Variants in DPP10 observed in about 807,000 individuals in gnomAD.
The protein encoded by DPP10 is dipeptidyl peptidase like 10.
Under a neutral mutation model 120.9 loss-of-function variants are expected in DPP10, and 33 were observed. The ratio of observed to expected loss-of-function variants is 0.27; its 90% CI spans 0.21 to 0.37. The LOEUF is 0.37. Ranked by LOEUF, DPP10 falls within the 10% of genes least tolerant of loss-of-function variation. The probability of loss-of-function intolerance (pLI) is 1.00; values close to 1 mark genes in which losing one functional copy is unlikely to be tolerated. For missense variants in DPP10, 816 were observed against 942.8 expected (o/e 0.87, Z 1.76); for synonymous variants, 337 against 326.1 (o/e 1.03, Z -0.36).
At chr2:115,533,846 C>A (rs548464712) in intron 5 of DPP10, among the ~76,000 whole-genome samples, 1 of 152,124 alleles carries the variant, frequency 6.6e-6, no homozygotes, top group East Asian at 1.9e-4. Context: ...TGCTGCTGAA[C>A]TGCCTTCCTA....
chr2:114,937,508 G>C (rs1696572344), intron 1 of DPP10, among the ~76,000 whole-genome samples: 1 of 152,166 alleles, frequency 6.6e-6, no homozygotes, highest in Non-Finnish European at 1.5e-5. Context: ...CCTCTGGAAG[G>C]CTGCACAGAT....
At chr2:114,633,352 A>T (rs1240383967) in intron 1 of DPP10, among the ~76,000 whole-genome samples, 1 of 145,570 alleles carries the variant, frequency 6.9e-6, no homozygotes, top group Non-Finnish European at 1.5e-5. Context: ...CCCAGATTCA[A>T]GTGATTCTCC....
chr2:115,832,564 C>T (rs957959271), intron 21 of DPP10, among the ~76,000 whole-genome samples: 1 of 152,000 alleles, frequency 6.6e-6, no homozygotes, highest in Non-Finnish European at 1.5e-5. Flanking sequence ...ATTTGTGGTT[C>T]AATTTTAAAT....
chr2:114,946,859 T>C (rs1697382310), intron 1 of DPP10, among the ~76,000 whole-genome samples: 1 of 152,144 alleles, frequency 6.6e-6, no homozygotes, highest in Non-Finnish European at 1.5e-5. Flanking sequence ...TTATATAGAA[T>C]TGGCATTATT....
chr2:115,640,114 C>T (rs1323333498), intron 5 of DPP10, among the ~76,000 whole-genome samples: 1 of 152,008 alleles, frequency 6.6e-6, no homozygotes, highest in African/African-American at 2.4e-5. Flanking sequence ...GAGTAAAAGG[C>T]TTCAGGCTTG....
chr2:115,751,625 T>G (rs1471719480), intron 10 of DPP10, among the ~76,000 whole-genome samples: 1 of 152,130 alleles, frequency 6.6e-6, no homozygotes, highest in African/African-American at 2.4e-5. Flanking sequence ...GGCTAACAGG[T>G]TTTCTAGAGG....
chr2:114,880,899 A>G (rs1203433170), intron 1 of DPP10, among the ~76,000 whole-genome samples: 1 of 152,160 alleles, frequency 6.6e-6, no homozygotes, highest in African/African-American at 2.4e-5. Context: ...GAAAATCAGA[A>G]ACTGGTGTCT....
chr2:115,825,153 A>G (rs1688182629), intron 21 of DPP10, among the ~76,000 whole-genome samples: 1 of 152,208 alleles, frequency 6.6e-6, no homozygotes, highest in Non-Finnish European at 1.5e-5. Flanking sequence ...CATTTTCTGC[A>G]ATATAGTTTA....
In DPP10 at chr2:115,672,678, T is replaced by TCC. The variant is rs1559010401; in HGVS notation, c.442-17009_442-17008insCC. On this transcript the variant is annotated intron_variant, in intron 5 of 25. Transcript: ENST00000410059. ...TTTCTTTCTTTCTTTCTCTCTTTCT[T>TCC]TCTCTTTCTTTCTTTCTTTCTTTCT... Among the ~76,000 whole-genome samples the TCC allele has an allele frequency of 9.7e-4, 14 of 14,486 alleles. No homozygotes were observed. In the East Asian group the frequency reaches 0.031, roughly 32 times the overall value. The allele number at this position is 14,486 out of a possible 152,430, so 9.5% of individuals were successfully genotyped here.
At chr2:114,807,892 G>A (rs1292217201) in intron 1 of DPP10, among the ~76,000 whole-genome samples, 1 of 152,200 alleles carries the variant, frequency 6.6e-6, no homozygotes, top group African/African-American at 2.4e-5. Flanking sequence ...ATTACCTGGA[G>A]TCTTCCTCAT....
intron 19 of DPP10, among the ~76,000 whole-genome samples, chr2:115,803,814 A>G (rs529123533): frequency 0.017 from 2,607 of 151,986 alleles, 76 homozygotes; most frequent in African/African-American, 0.058. Flanking sequence ...TTAGTCTGAC[A>G]GGCTTCCCTT....
In DPP10 at chr2:115,773,908, A is replaced by C. The variant is rs555020638; in HGVS notation, c.1222-3300A>C. 3.9e-4 allele frequency among the ~76,000 whole-genome samples: 60 copies of C among 152,172 alleles called. 1 individual carries two copies. The South Asian group carries it at 0.01, about 26-fold the overall frequency. ...GATTATTAGAAAGTAAATCTTTGCT[A>C]TTATATGCAAAATGAGGGTTCAACT... On this transcript the variant is annotated intron_variant, in intron 13 of 25. Coordinates refer to ENST00000410059, the MANE Select transcript of DPP10 (RefSeq NM_020868.6).
chr2:115,172,080 C>A (rs2053390365), intron 1 of DPP10, among the ~76,000 whole-genome samples: 1 of 152,158 alleles, frequency 6.6e-6, no homozygotes, highest in Admixed American at 6.5e-5. Flanking sequence ...AATTGCAACT[C>A]CCAGCAATGT....
intron 3 of DPP10, among the ~76,000 whole-genome samples, chr2:115,353,368 A>G (rs149663968): frequency 6.6e-6 from 1 of 152,260 alleles, no homozygotes; most frequent in East Asian, 1.9e-4. Flanking sequence ...GTATAAAAGT[A>G]ATGGAAAATA....
chr2:114,939,079 A>G lies in DPP10; in HGVS notation c.61-370160A>G, dbSNP rs78035895. Among the ~76,000 whole-genome samples, 616 of 152,264 alleles carry G rather than the reference A, an allele frequency of 4.0e-3. 1 individual carries two copies. Among genetic ancestry groups the G allele is most frequent in the African/African-American group, 0.015 (603 of 41,566 alleles). On this transcript the variant is annotated intron_variant, in intron 1 of 25. Transcript: ENST00000410059. ...TTTAATTATTCTAGAATGTATTGCA[A>G]TAGATAAATGTCTACTGTATACTAT...
At chr2:115,614,041 A>G (rs2084307406) in intron 5 of DPP10, among the ~76,000 whole-genome samples, 1 of 152,182 alleles carries the variant, frequency 6.6e-6, no homozygotes. Context: ...GGAGAGATCC[A>G]AAAAAGCTTT....
At chr2:115,519,256 C>G (rs1301852992) in intron 4 of DPP10, among the ~76,000 whole-genome samples, 1 of 151,906 alleles carries the variant, frequency 6.6e-6, no homozygotes, top group Non-Finnish European at 1.5e-5. Flanking sequence ...ATTATTTTGG[C>G]TGTTTACATT....
intron 1 of DPP10, among the ~76,000 whole-genome samples, chr2:114,967,561 G>A (rs1252392844): frequency 6.6e-6 from 1 of 152,148 alleles, no homozygotes; most frequent in Non-Finnish European, 1.5e-5. Flanking sequence ...TATATGTGAG[G>A]AAATTACTAT....
Position 114,777,123 on chromosome 2 carries a change from T to C in DPP10, c.60+334285T>C, listed in dbSNP as rs187157571. Among the ~76,000 whole-genome samples, 32 of 152,218 alleles carry C rather than the reference T, an allele frequency of 2.1e-4. 1 individual carries two copies. The highest frequency in any genetic ancestry group is 1.6e-3 in the Admixed American group (24 of 15,278). ...GTTAAGACTTTTATTCAGAAGTAAATGAAATGTACTCTTTGAGAATGGGTA... is the reference window on the plus strand; with the variant it reads ...GTTAAGACTTTTATTCAGAAGTAAACGAAATGTACTCTTTGAGAATGGGTA... On this transcript the variant is annotated intron_variant, in intron 1 of 25. Coordinates refer to ENST00000410059, the MANE Select transcript of DPP10 (RefSeq NM_020868.6).
Sources: allele counts gnomAD v4.1 joint callset (sites outside exome capture counted in the v4.1 genomes callset), GRCh38; gene constraint gnomAD v4.1.1; transcripts MANE v1.5; gene names NCBI Gene and HGNC (gene_info 2026-07-23, HGNC 2026-07-21).